The following FANCA variants were observed in gnomAD, a reference collection of about 807,000 sequenced individuals.
FANCA encodes FA complementation group A, also known as Fanconi anemia group A protein.
In FANCA, 236 loss-of-function variants were observed where a neutral mutation model predicts 194.3. The ratio of observed to expected loss-of-function variants is 1.21; its 90% confidence interval spans 1.09 to 1.35. FANCA has a LOEUF of 1.35. Ranked by LOEUF, FANCA falls within the 40% of genes most tolerant of loss-of-function variation. The pLI, the probability that FANCA is intolerant of heterozygous loss-of-function variation, is 0.00. For synonymous variants in FANCA, 1,014 were observed against 715.8 expected, an observed-to-expected ratio of 1.42 and a Z score of -6.65; for missense variants, 2,628 against 1,813.9, an observed-to-expected ratio of 1.45 and a Z score of -8.15.
chr16:89,801,762 C>A (rs1286045455), intron 8 of FANCA, among the ~76,000 whole-genome samples: 1 of 151,892 alleles, frequency 6.6e-6, no homozygotes, highest in Admixed American at 6.6e-5. Flanking sequence ...GTGGTGCATG[C>A]CTGTAATCCC....
At chr16:89,755,851 C>A (rs184336250) in intron 30 of FANCA, among the ~76,000 whole-genome samples, 1 of 150,480 alleles carries the variant, frequency 6.6e-6, no homozygotes, top group Non-Finnish European at 1.5e-5. Context: ...CTAGGCCACA[C>A]GGCACGGCCC....
chr16:89,799,064 G>C, intron 10 of FANCA, 102 bp downstream of exon 10: 1 of 1,614,250 alleles, frequency 6.2e-7, no homozygotes, highest in Non-Finnish European at 8.5e-7. Context: ...GTGCTCAGGA[G>C]CGGGCTGCTG....
intron 33 of FANCA, 22 bp from the exon 34 acceptor site, chr16:89,746,912 G>C: frequency 6.4e-7 from 1 of 1,551,474 alleles, no homozygotes; most frequent in Non-Finnish European, 8.7e-7. Flanking sequence ...TTCAAGGCAG[G>C]TAAGAAAAGC....
chr16:89,749,917 T>C lies in FANCA; in HGVS notation c.3067-15A>G, dbSNP rs1290872591. The C allele has an allele frequency of 1.2e-6, 2 of 1,613,686 alleles. No homozygotes were observed. Among genetic ancestry groups the C allele is most frequent in the Non-Finnish European group, 1.7e-6 (2 of 1,179,992 alleles). On this transcript the variant is annotated splice_polypyrimidine_tract_variant and intron_variant, in intron 31 of 42. Coordinates refer to ENST00000389301, the MANE Select transcript of FANCA (RefSeq NM_000135.4). ...GCTACCATCTCCTGAAAAAGAGCAGTATGCTGGCACAGGAAGGCCTCGGGG... is the reference window on the plus strand; with the variant it reads ...GCTACCATCTCCTGAAAAAGAGCAGCATGCTGGCACAGGAAGGCCTCGGGG...
At chr16:89,761,182 G>A (rs544446123) in intron 29 of FANCA, among the ~76,000 whole-genome samples, 2 of 152,230 alleles carry the variant, frequency 1.3e-5, no homozygotes, top group Non-Finnish European at 2.9e-5. Context: ...CACTTTGGGA[G>A]GCCAAGGCAA....
chr16:89,745,660 A>T (rs543946384), intron 35 of FANCA, among the ~76,000 whole-genome samples: 1 of 76,898 alleles, frequency 1.3e-5, no homozygotes, highest in Admixed American at 1.3e-4. Flanking sequence ...GGAACAAAAC[A>T]GTGAAGGGAC....
rs367672895 is a variant in FANCA at position 89,811,080 on chromosome 16, C to A, written c.284-9G>T. The A allele has an allele frequency of 6.2e-7, 1 of 1,613,914 alleles. No homozygotes were observed. Among genetic ancestry groups the A allele is most frequent in the Non-Finnish European group, 8.5e-7 (1 of 1,180,028 alleles). ...ATCCTGCAAAGCAGAGCCTTAAACACAAAACAAAACCATAGCTTTCTCTTA... is the reference window on the plus strand; with the variant it reads ...ATCCTGCAAAGCAGAGCCTTAAACAAAAAACAAAACCATAGCTTTCTCTTA... On this transcript the variant is annotated splice_polypyrimidine_tract_variant and intron_variant, in intron 3 of 42. Coordinates refer to ENST00000389301, the MANE Select transcript of FANCA (RefSeq NM_000135.4).
chr16:89,791,346 A>G, intron 14 of FANCA, 57 bp downstream of exon 14: 1 of 1,597,746 alleles, frequency 6.3e-7, no homozygotes, highest in Non-Finnish European at 8.5e-7. Flanking sequence ...CATGGTCCCC[A>G]CTCCCAGGCC....
chr16:89,778,342 T>A (rs1204315384), intron 20 of FANCA: 3 of 365,484 alleles, frequency 8.2e-6, no homozygotes, highest in South Asian at 5.9e-5. Flanking sequence ...GGTGCATACC[T>A]ATAATCCCAG....
intron 31 of FANCA, 140 bp downstream of exon 31, chr16:89,751,998 C>T (rs1356302583): frequency 1.3e-6 from 1 of 782,390 alleles, no homozygotes; most frequent in African/African-American, 1.7e-5. Flanking sequence ...TCTCGATCTC[C>T]TGACTGTGTG....
chr16:89,748,075 C>T (rs1296538789), intron 33 of FANCA, among the ~76,000 whole-genome samples: 1 of 152,166 alleles, frequency 6.6e-6, no homozygotes, highest in Non-Finnish European at 1.5e-5. Context: ...CCATACCCAG[C>T]TAATTTTTCT....
intron 29 of FANCA, 101 bp from the exon 30 acceptor site, chr16:89,758,806 G>C (rs1030916872): frequency 1.9e-6 from 3 of 1,563,340 alleles, no homozygotes; most frequent in East Asian, 2.3e-5. Flanking sequence ...CACAGCACTA[G>C]TGAGAGCTGG....
At chr16:89,739,688 C>A in intron 39 of FANCA, 135 bp from the exon 40 acceptor site, 2 of 1,515,720 alleles carry the variant, frequency 1.3e-6, no homozygotes, top group Non-Finnish European at 1.8e-6. Flanking sequence ...ACAGCCTGAG[C>A]TGAGGATACC....
At chr16:89,792,220 G>A (rs2040100895) in intron 12 of FANCA, 152 bp from the exon 13 acceptor site, 11 of 1,001,394 alleles carry the variant, frequency 1.1e-5, no homozygotes, top group East Asian at 4.9e-5. Context: ...ACACCGTGGC[G>A]TCTCTCCCCT....
Position 89,739,983 on chromosome 16 carries a change from G to T in FANCA, c.3934+11C>A. 2 of 1,613,732 alleles carry T rather than the reference G, an allele frequency of 1.2e-6. No homozygotes were observed. The highest frequency in any genetic ancestry group is 2.2e-5 in the South Asian group (2 of 91,088). ...CCCTCCGCATTTGTGCCTCAGCAGC[G>T]TGTTTCTTACCACTCTCTGTCAACT... On this transcript the variant is annotated intron_variant, in intron 39 of 42. Coordinates refer to ENST00000389301, the MANE Select transcript of FANCA (RefSeq NM_000135.4).
chr16:89,805,239 A>AT (rs2040594707), intron 7 of FANCA, 41 bp downstream of exon 7: 1 of 1,489,756 alleles, frequency 6.7e-7, no homozygotes, highest in Non-Finnish European at 9.3e-7. Flanking sequence ...ACAGATCAAA[A>AT]TGAGTTTTAC....
intron 27 of FANCA, among the ~76,000 whole-genome samples, chr16:89,765,612 G>A (rs886519733): frequency 6.6e-6 from 1 of 152,244 alleles, no homozygotes. Context: ...TGCCAGGAAT[G>A]GCGTTCCCAC....
rs1282690126 is a variant in FANCA at position 89,815,879 on chromosome 16, C to A, written c.187G>T (p.Glu63Ter). The change falls in exon 2 of 43, where the codon GAG becomes TAG. Residue 63 changes from glutamate (E) to a stop codon, truncating the protein, a stop_gained and splice_region_variant. Transcript: ENST00000389301. LOFTEE classifies it high-confidence loss of function. ...SHQDLNALLL[E>*]VEGPLCKKLS... Reference sequence around the variant, plus strand: ...GACGGACACCAGCTTCCTCTTACCTCAAGCAAAAGGGCATTCAGGTCCTGA... The same window carrying A: ...GACGGACACCAGCTTCCTCTTACCTAAAGCAAAAGGGCATTCAGGTCCTGA... 6.2e-7 allele frequency: 1 copy of A among 1,610,838 alleles called. No individual in the cohort carries two copies. The highest frequency in any genetic ancestry group is 1.3e-5 in the African/African-American group (1 of 74,990).
rs369565161 is a variant in FANCA at position 89,758,635 on chromosome 16, C to T, written c.2923G>A (p.Gly975Arg). Residue 975 changes from glycine (G) to arginine (R), a missense_variant, in exon 30 of 43, where the codon GGA becomes AGA. Transcript: ENST00000389301. ...PESSASGGCDGDLQAACTILV... is the reference protein window; with the variant it reads ...PESSASGGCDRDLQAACTILV... ...ATGGTACACGCAGCCTGCAGGTCTCCGTCACAGCCCCCTGAAGCCGAGGAC... is the reference window on the plus strand; with the variant it reads ...ATGGTACACGCAGCCTGCAGGTCTCTGTCACAGCCCCCTGAAGCCGAGGAC... The T allele has an allele frequency of 5.6e-6, 9 of 1,613,942 alleles. No individual in the cohort carries two copies. The highest frequency in any genetic ancestry group is 2.7e-5 in the African/African-American group (2 of 74,922).
Sources: gnomAD v4.1 joint callset for allele counts (sites outside exome capture counted in the v4.1 genomes callset) on GRCh38, gnomAD v4.1.1 for gene constraint, MANE v1.5 for transcripts, NCBI Gene and HGNC (gene_info 2026-07-23, HGNC 2026-07-21) for gene names.